The following ARHGAP26 variants were observed in gnomAD, a reference collection of about 807,000 sequenced individuals.
ARHGAP26 encodes Rho GTPase activating protein 26, also known as rho GTPase-activating protein 26.
ARHGAP26 carries 38 observed loss-of-function variants against 104.8 expected under a neutral mutation model. The ratio of observed to expected loss-of-function variants is 0.36; its 90% CI spans 0.28 to 0.48. The LOEUF (loss-of-function observed/expected upper bound fraction) is 0.48, where lower values mean the gene tolerates loss of function less well. Ranked by LOEUF, ARHGAP26 falls within the 20% of genes least tolerant of loss-of-function variation. ARHGAP26 has a pLI of 0.99. For synonymous variants in ARHGAP26, 341 were observed against 340.0 expected (o/e 1.00, Z -0.03); for missense variants, 704 against 947.9 (o/e 0.74, Z 3.38).
rs115365072 is a variant in ARHGAP26 at position 142,907,438 on chromosome 5, G to A, written c.833-266G>A. 1,152 of 212,794 alleles carry A rather than the reference G, an allele frequency of 5.4e-3. 10 individuals carry two copies. The highest frequency in any genetic ancestry group is 0.024 in the African/African-American group (1,062 of 43,884). 13.2% of individuals were successfully genotyped at this position (212,794 alleles called of 1,614,324 possible). A position where few individuals can be genotyped will look rare whatever the true frequency, so the allele number is the denominator to read the frequency against. On this transcript the variant is annotated intron_variant, in intron 8 of 22. Coordinates refer to ENST00000645722, the MANE Select transcript of ARHGAP26 (RefSeq NM_001135608.3). ...TCCCCAGGGAACCTTTACTTCCGTT[G>A]TATTTTAAGACCCACTGGATGTAGC...
intron 1 of ARHGAP26, among the ~76,000 whole-genome samples, chr5:142,791,087 T>TTTC: frequency 6.6e-6 from 1 of 151,980 alleles, no homozygotes; most frequent in Middle Eastern, 3.4e-3. Flanking sequence ...TTAAAGTTTT[T>TTTC]TTTTTTTTTT....
intron 4 of ARHGAP26, among the ~76,000 whole-genome samples, chr5:142,879,943 C>T (rs1285222247): frequency 6.6e-6 from 1 of 152,072 alleles, no homozygotes; most frequent in Non-Finnish European, 1.5e-5. Context: ...GGAAATGGGC[C>T]CTCTCTTGCT....
intron 20 of ARHGAP26, among the ~76,000 whole-genome samples, chr5:143,160,065 T>C (rs891180002): frequency 6.6e-6 from 1 of 150,722 alleles, no homozygotes; most frequent in Non-Finnish European, 1.5e-5. Flanking sequence ...TTTTTCTTTT[T>C]TTTTTTTTTT....
chr5:142,868,841 G>C (rs11956107), intron 1 of ARHGAP26: 64,547 of 152,236 alleles, frequency 0.42, 17,737 homozygotes, highest in East Asian at 0.89. Context: ...TGTCTCAGCT[G>C]TCTGTCATGG....
At chr5:143,022,615 C>T (rs1166500271) in intron 12 of ARHGAP26, among the ~76,000 whole-genome samples, 10 of 152,122 alleles carry the variant, frequency 6.6e-5, no homozygotes, top group Admixed American at 3.3e-4. Flanking sequence ...TGGCTTAACA[C>T]AAGGCTAAGT....
chr5:143,079,362 C>G (rs1383909234), intron 17 of ARHGAP26, among the ~76,000 whole-genome samples: 1 of 152,186 alleles, frequency 6.6e-6, no homozygotes, highest in Admixed American at 6.5e-5. Context: ...CTGTTTCCAG[C>G]GTCCTCTATG....
At chr5:142,890,151 A>AAAAATAT (rs1252590997) in intron 5 of ARHGAP26, among the ~76,000 whole-genome samples, 14 of 32,410 alleles carry the variant, frequency 4.3e-4, no homozygotes, top group East Asian at 1.4e-3. Context: ...AAAAAAAAAA[A>AAAAATAT]ATATATATAT....
intron 1 of ARHGAP26, among the ~76,000 whole-genome samples, chr5:142,852,184 T>C (rs949542422): frequency 6.6e-6 from 1 of 152,198 alleles, no homozygotes; most frequent in Non-Finnish European, 1.5e-5. Context: ...CGGCAAAGCA[T>C]CAGAGAGGTA....
At chr5:143,190,060 T>A (rs1052129635) in intron 20 of ARHGAP26, among the ~76,000 whole-genome samples, 1 of 150,314 alleles carries the variant, frequency 6.7e-6, no homozygotes, top group East Asian at 1.9e-4. Context: ...ACCTGGTTTC[T>A]GGGGTTCAGA....
At chr5:142,772,841 T>G (rs774936905) in intron 1 of ARHGAP26, 9 of 533,380 alleles carry the variant, frequency 1.7e-5, no homozygotes, top group Non-Finnish European at 3.5e-5. Flanking sequence ...TGGCATTGAA[T>G]CTGAGGAGGG....
chr5:142,849,094 A>G (rs35498070), intron 1 of ARHGAP26, among the ~76,000 whole-genome samples: 9,294 of 152,302 alleles, frequency 0.061, 433 homozygotes, highest in East Asian at 0.15. Flanking sequence ...AAATGTGTTT[A>G]TTACCCTCTT....
chr5:142,964,573 AAAC>A (rs931060479), intron 11 of ARHGAP26, among the ~76,000 whole-genome samples: 17 of 138,222 alleles, frequency 1.2e-4, no homozygotes, highest in Admixed American at 5.1e-4. Context: ...CACACACACA[AAAC>A]AACAACAGCA....
chr5:143,042,676 C>T (rs1396858577), intron 14 of ARHGAP26, among the ~76,000 whole-genome samples: 1 of 152,188 alleles, frequency 6.6e-6, no homozygotes, highest in Non-Finnish European at 1.5e-5. Flanking sequence ...ACTTGGGGTA[C>T]GCAGCTCAGT....
intron 17 of ARHGAP26, among the ~76,000 whole-genome samples, chr5:143,071,596 GCA>G (rs1254014210): frequency 6.6e-6 from 1 of 152,168 alleles, no homozygotes; most frequent in Admixed American, 6.5e-5. Flanking sequence ...GACCTTAAAA[GCA>G]CAGTCAGTAG....
In ARHGAP26 at chr5:142,995,490, A is replaced by G. The variant is rs377567921; in HGVS notation, c.1108-18590A>G. ...CCATCTCATGCCAGTTAGAATGGCA[A>G]TCATTAAAAAGTCAGGAAATAACAG... On this transcript the variant is annotated intron_variant, in intron 11 of 22. Coordinates refer to ENST00000645722, the MANE Select transcript of ARHGAP26 (RefSeq NM_001135608.3). Among the ~76,000 whole-genome samples the G allele has an allele frequency of 1.2e-4, 19 of 152,364 alleles. No homozygotes were observed. The South Asian group carries it at 2.5e-3, about 20-fold the overall frequency.
chr5:142,983,216 G>GT (rs141627465), intron 11 of ARHGAP26, among the ~76,000 whole-genome samples: 11,024 of 151,230 alleles, frequency 0.073, 861 homozygotes, highest in African/African-American at 0.19. Context: ...CTGGTTCGTT[G>GT]TTTTTTTTTG....
intron 20 of ARHGAP26, among the ~76,000 whole-genome samples, chr5:143,163,662 G>A (rs1025142928): frequency 8.6e-5 from 13 of 152,018 alleles, no homozygotes; most frequent in African/African-American, 3.1e-4. Context: ...TGTTGGCCAG[G>A]CTGGTCTCGA....
intron 14 of ARHGAP26, 140 bp from the exon 15 acceptor site, chr5:143,054,299 A>T: frequency 1.8e-6 from 1 of 558,826 alleles, no homozygotes; most frequent in Non-Finnish European, 3.1e-6. Context: ...TTCCTAATTT[A>T]ATAGGTAAAA....
At chr5:143,155,816 A>C (rs1800406472) in intron 20 of ARHGAP26, among the ~76,000 whole-genome samples, 1 of 152,242 alleles carries the variant, frequency 6.6e-6, no homozygotes, top group East Asian at 1.9e-4. Flanking sequence ...TAAACTTATA[A>C]ATCTTGCTAA....
Sources: allele counts gnomAD v4.1 joint callset (sites outside exome capture counted in the v4.1 genomes callset), GRCh38; gene constraint gnomAD v4.1.1; transcripts MANE v1.5; gene names NCBI Gene and HGNC (gene_info 2026-07-23, HGNC 2026-07-21).